Variants in RNMT observed in about 807,000 individuals in gnomAD.
RNMT encodes mRNA cap guanine-N(7) methyltransferase.
RNMT carries 27 observed loss-of-function variants against 56.0 expected under a neutral mutation model. The observed-to-expected ratio is 0.48, with a 90% confidence interval of 0.36 to 0.67. The LOEUF is 0.67. RNMT is among the 30% of genes least tolerant of loss of function. The pLI is 0.00. For missense variants in RNMT, 519 were observed against 552.1 expected (o/e 0.94, Z 0.60); for synonymous variants, 184 against 176.2 (o/e 1.04, Z -0.35).
At chr18:13,733,380 T>G (rs1451387096) in intron 3 of RNMT, among the ~76,000 whole-genome samples, 2 of 152,148 alleles carry the variant, frequency 1.3e-5, no homozygotes, top group African/African-American at 2.4e-5. Flanking sequence ...CCTACTGAAT[T>G]CTAATCTCTC....
Position 13,741,645 on chromosome 18 carries a change from C to T in RNMT, c.928C>T (p.Pro310Ser). The T allele has an allele frequency of 6.2e-7, 1 of 1,613,600 alleles. No homozygotes were observed. Among genetic ancestry groups the T allele is most frequent in the Non-Finnish European group, 8.5e-7 (1 of 1,179,766 alleles). The change falls in exon 7 of 12, where the codon CCT becomes TCT. Residue 310 changes from proline to serine, a missense_variant. Pro to Ser is a moderately conservative substitution (Grantham distance 74, BLOSUM62 -1). Coordinates refer to ENST00000383314, the MANE Select transcript of RNMT (RefSeq NM_003799.3). ...MLRNACERLS[P>S]GGYFIGTTPN... is the part of the protein sequence containing the mutation. ...GAGAAATGCGTGTGAGAGACTTAGC[C>T]CTGGGGGCTATTTTATTGGTACTAC...
Position 13,746,202 on chromosome 18 carries a change from GT to G in RNMT, c.1140-17del. The G allele has an allele frequency of 7.9e-7, 1 of 1,258,920 alleles. No individual in the cohort carries two copies. The highest frequency in any genetic ancestry group is 1.1e-6 in the Non-Finnish European group (1 of 883,682). 78.0% of individuals were successfully genotyped at this position (1,258,920 alleles called of 1,614,324 possible). A position where few individuals can be genotyped will look rare whatever the true frequency, so the allele number is the denominator to read the frequency against. On this transcript the variant is annotated splice_polypyrimidine_tract_variant and intron_variant, in intron 8 of 11. Transcript: ENST00000383314. ...AAACATGTGGAAGCTTTTTCATTAA[GT>G]ATTCTTTTTTGGACAGAATGGCAAA...
chr18:13,737,009 G>A lies in RNMT; in HGVS notation c.554-1G>A, dbSNP rs1210831335. ...TATTGTGACTGATTTCTCTCTTTTAGGAGAATTTTTGGAAAAGGTACGACA... is the reference window on the plus strand; with the variant it reads ...TATTGTGACTGATTTCTCTCTTTTAAGAGAATTTTTGGAAAAGGTACGACA... On this transcript the variant is annotated splice_acceptor_variant, in intron 4 of 11. Coordinates refer to ENST00000383314, the MANE Select transcript of RNMT (RefSeq NM_003799.3). LOFTEE classifies it high-confidence loss of function. 2 of 1,611,894 alleles carry A rather than the reference G, an allele frequency of 1.2e-6. No individual in the cohort carries two copies. The highest frequency in any genetic ancestry group is 1.7e-6 in the Non-Finnish European group (2 of 1,179,028).
rs116457995 is a variant in RNMT, at chr18:13,746,197, A to G, written c.1140-23A>G. On this transcript the variant is annotated intron_variant, in intron 8 of 11. Transcript: ENST00000383314. Reference sequence around the variant, plus strand: ...ATTACAAACATGTGGAAGCTTTTTCATTAAGTATTCTTTTTTGGACAGAAT... The same window carrying G: ...ATTACAAACATGTGGAAGCTTTTTCGTTAAGTATTCTTTTTTGGACAGAAT... The G allele has an allele frequency of 1.7e-3, 2,152 of 1,234,004 alleles. 35 individuals are homozygous for G. The African/African-American group carries it at 0.028, about 16-fold the overall frequency. 76.4% of individuals were successfully genotyped at this position (1,234,004 alleles called of 1,614,324 possible).
At chr18:13,754,978 G>A (rs2044518847) in intron 11 of RNMT, among the ~76,000 whole-genome samples, 1 of 152,202 alleles carries the variant, frequency 6.6e-6, no homozygotes, top group Non-Finnish European at 1.5e-5. Flanking sequence ...GTGAAGGCCT[G>A]TGGTTCTTCA....
rs2043957470 is a variant in RNMT at position 13,726,675 on chromosome 18, A to G, written c.-226A>G. ...GCACCTCCGGAAGTGACGTAAGCAG[A>G]CACGCGTGGCGCGGGCCGCCGTTTC... On this transcript the variant is annotated 5_prime_UTR_variant, in exon 1 of 12. Coordinates refer to ENST00000383314, the MANE Select transcript of RNMT (RefSeq NM_003799.3). 1 of 152,278 alleles carries G rather than the reference A, an allele frequency of 6.6e-6. No individual in the cohort carries two copies. The highest frequency in any genetic ancestry group is 1.5e-5 in the Non-Finnish European group (1 of 68,092). The allele number at this position is 152,278 out of a possible 1,614,324, so 9.4% of individuals were successfully genotyped here.
In RNMT at chr18:13,762,047, G is replaced by A; in HGVS notation, c.*2068G>A. 2.6e-6 allele frequency: 4 copies of A among 1,536,100 alleles called. No individual in the cohort carries two copies. The highest frequency in any genetic ancestry group is 3.5e-6 in the Non-Finnish European group (4 of 1,146,884). ...TTCGGTATTCTATTCAGGACTTACG[G>A]TAACTATTATGAGGGAGGCATGGCT... On this transcript the variant is annotated 3_prime_UTR_variant, in exon 12 of 12. Transcript: ENST00000383314.
chr18:13,750,738 T>C (rs1449563781), intron 9 of RNMT, among the ~76,000 whole-genome samples: 2 of 151,734 alleles, frequency 1.3e-5, no homozygotes, highest in Non-Finnish European at 2.9e-5. Context: ...GAGGCCAAGG[T>C]TGCAGTGAAT....
chr18:13,757,471 T>C (rs1380966690), intron 11 of RNMT, among the ~76,000 whole-genome samples: 1 of 152,234 alleles, frequency 6.6e-6, no homozygotes, highest in East Asian at 1.9e-4. Flanking sequence ...ATCCTTGTCA[T>C]TTCAACAATG....
intron 9 of RNMT, among the ~76,000 whole-genome samples, chr18:13,748,639 G>T (rs1942671): frequency 0.012 from 1,822 of 152,188 alleles, 65 homozygotes; most frequent in Admixed American, 0.065. Flanking sequence ...TGGAGCGTTG[G>T]AACAGAGAGA....
At chr18:13,743,738 A>T (rs1010134167) in intron 8 of RNMT, among the ~76,000 whole-genome samples, 1 of 151,704 alleles carries the variant, frequency 6.6e-6, no homozygotes, top group African/African-American at 2.4e-5. Context: ...GAAAAAGAAG[A>T]GGTATATTGT....
intron 1 of RNMT, 153 bp from the exon 2 acceptor site, chr18:13,730,474 C>T (rs1409687773): frequency 6.6e-6 from 1 of 152,144 alleles, no homozygotes; most frequent in Non-Finnish European, 1.5e-5. Flanking sequence ...AGAAATATAA[C>T]AGTTCCATTT....
intron 2 of RNMT, among the ~76,000 whole-genome samples, chr18:13,731,081 T>C (rs1461689822): frequency 6.6e-6 from 1 of 152,264 alleles, no homozygotes; most frequent in East Asian, 1.9e-4. Context: ...CAATGAGATT[T>C]TTTTAAACTC....
At chr18:13,740,011 C>T (rs1246387251) in intron 5 of RNMT, among the ~76,000 whole-genome samples, 156 bp from the exon 6 acceptor site, 4 of 152,124 alleles carry the variant, frequency 2.6e-5, no homozygotes, top group South Asian at 2.1e-4. Context: ...AGGGTATTTG[C>T]GTCGGAACAA....
rs186212572 is a variant in RNMT at position 13,736,557 on chromosome 18, C to T, written c.554-453C>T. On this transcript the variant is annotated intron_variant, in intron 4 of 11. Transcript: ENST00000383314. Reference sequence around the variant, plus strand: ...AAGCCTGACATCTTTGATAATCAGGCTCTTTTATCATTCCATAACAACTTT... The same window carrying T: ...AAGCCTGACATCTTTGATAATCAGGTTCTTTTATCATTCCATAACAACTTT... Among the ~76,000 whole-genome samples, 146 of 149,836 alleles carry T rather than the reference C, an allele frequency of 9.7e-4. 1 individual carries two copies. The highest frequency in any genetic ancestry group is 3.3e-3 in the African/African-American group (136 of 40,778).
rs768877502 is a variant in RNMT at position 13,761,249 on chromosome 18, CAA to C, written c.*1272_*1273del. ...TCCTTCTGCAGCCTGTGAATCTCCA[CAA>C]AGTGTTACCAGTTTACAAAAATAAG... On this transcript the variant is annotated 3_prime_UTR_variant, in exon 12 of 12. Coordinates refer to ENST00000383314, the MANE Select transcript of RNMT (RefSeq NM_003799.3). The C allele has an allele frequency of 6.1e-6, 6 of 985,392 alleles. No individual in the cohort carries two copies. Among genetic ancestry groups the C allele is most frequent in the East Asian group, 1.1e-4 (1 of 8,802 alleles). The allele number at this position is 985,392 out of a possible 1,614,324, so 61.0% of individuals were successfully genotyped here.
rs1361513307 is a variant in RNMT at position 13,762,435 on chromosome 18, CAG to C, written c.*2457_*2458del. The C allele has an allele frequency of 5.1e-5, 18 of 355,550 alleles. No homozygotes were observed. The highest frequency in any genetic ancestry group is 8.2e-5 in the Non-Finnish European group (16 of 194,522). 22.0% of individuals were successfully genotyped at this position (355,550 alleles called of 1,614,324 possible). A position where few individuals can be genotyped will look rare whatever the true frequency, so the allele number is the denominator to read the frequency against. On this transcript the variant is annotated 3_prime_UTR_variant, in exon 12 of 12. Transcript: ENST00000383314. ...TGACTCTGCAGAGTCACTGCACCATCAGGCTTGGCCCTGCTGTGCCTTCAGTA... is the reference window on the plus strand; with the variant it reads ...TGACTCTGCAGAGTCACTGCACCATCGCTTGGCCCTGCTGTGCCTTCAGTA...
intron 4 of RNMT, 98 bp from the exon 5 acceptor site, chr18:13,736,912 A>G (rs1423613161): frequency 1.3e-5 from 14 of 1,038,922 alleles, no homozygotes; most frequent in Non-Finnish European, 2.0e-5. Context: ...TTTATGTTAC[A>G]TATTGGGCAA....
At chr18:13,739,424 C>T (rs2044216688) in intron 5 of RNMT, among the ~76,000 whole-genome samples, 1 of 152,210 alleles carries the variant, frequency 6.6e-6, no homozygotes, top group Non-Finnish European at 1.5e-5. Flanking sequence ...CCATTTAGTG[C>T]TGCTACTTTG....
Sources: gnomAD v4.1 joint callset for allele counts (sites outside exome capture counted in the v4.1 genomes callset) on GRCh38, gnomAD v4.1.1 for gene constraint, MANE v1.5 for transcripts, NCBI Gene and HGNC (gene_info 2026-07-23, HGNC 2026-07-21) for gene names.